RUBCN: variants seen among roughly 807,000 people sequenced by gnomAD.
RUBCN encodes the protein run domain Beclin-1-interacting and cysteine-rich domain-containing protein.
A neutral mutation model predicts 113.2 loss-of-function variants in RUBCN; 74 were observed. The ratio of observed to expected loss-of-function variants is 0.65; its 90% CI spans 0.54 to 0.79. RUBCN has a LOEUF of 0.79. Ranked by LOEUF, RUBCN falls within the 30% of genes least tolerant of loss-of-function variation. RUBCN has a pLI of 0.00. For synonymous variants in RUBCN, 480 were observed against 490.0 expected, an observed-to-expected ratio of 0.98 and a Z score of 0.27; for missense variants, 1,109 against 1,251.7, an observed-to-expected ratio of 0.89 and a Z score of 1.72.
chr3:197,677,181 G>T, intron 17 of RUBCN, 143 bp from the exon 18 acceptor site: 1 of 914,996 alleles, frequency 1.1e-6, no homozygotes, highest in Non-Finnish European at 1.7e-6. Flanking sequence ...CGCCGCAGCC[G>T]TTCCACGCTA....
In RUBCN at chr3:197,683,552, G is replaced by A. The variant is rs928043528; in HGVS notation, c.1848-113C>T. Reference sequence around the variant, plus strand: ...CAACTTCTGGGCTGGAAGAACACCCGCAGCACCCTGGCCTGCTCATCACCC... The same window carrying A: ...CAACTTCTGGGCTGGAAGAACACCCACAGCACCCTGGCCTGCTCATCACCC... On this transcript the variant is annotated intron_variant, in intron 12 of 19. Transcript: ENST00000296343. The surrounding 1 kb of genome is among the most constrained non-coding windows in gnomAD (Gnocchi z 4.6). 6.0e-6 allele frequency: 7 copies of A among 1,170,628 alleles called. No individual in the cohort carries two copies. The highest frequency in any genetic ancestry group is 2.7e-4 in the Middle Eastern group (1 of 3,666). 72.5% of individuals were successfully genotyped at this position (1,170,628 alleles called of 1,614,324 possible).
At chr3:197,731,113 C>T (rs369664349) in intron 1 of RUBCN, among the ~76,000 whole-genome samples, 13 of 151,710 alleles carry the variant, frequency 8.6e-5, no homozygotes, top group African/African-American at 2.9e-4. Flanking sequence ...ACAAAGGTCT[C>T]CGGTTTTCCT....
At chr3:197,709,470 T>C (rs1410436573) in intron 2 of RUBCN, among the ~76,000 whole-genome samples, 3 of 152,094 alleles carry the variant, frequency 2.0e-5, no homozygotes, top group Non-Finnish European at 4.4e-5. Flanking sequence ...AACCTCCACC[T>C]ACCAGATTCA....
intron 1 of RUBCN, among the ~76,000 whole-genome samples, chr3:197,722,199 C>T (rs1234850763): frequency 3.3e-5 from 5 of 151,456 alleles, no homozygotes; most frequent in African/African-American, 1.2e-4. Context: ...GATTGCACCA[C>T]TGCACTCCAG....
chr3:197,739,947 T>C (rs1580418769), upstream of RUBCN, among the ~76,000 whole-genome samples: 1 of 149,490 alleles, frequency 6.7e-6, no homozygotes, highest in Admixed American at 6.6e-5. Context: ...GGCTGAGGCA[T>C]GAGAATCGTT....
chr3:197,683,459 G>T lies in RUBCN; in HGVS notation c.1848-20C>A. 6.2e-7 allele frequency: 1 copy of T among 1,613,450 alleles called. No homozygotes were observed. On this transcript the variant is annotated intron_variant, in intron 12 of 19. Transcript: ENST00000296343. This position sits in a 1 kb window ranked among gnomAD's most constrained non-coding sequence, Gnocchi z 4.6. ...TGGGAGCTGGAAAGGGGAGAATCAA[G>T]GACGGCTGAACACAGGGAAAGGATG...
chr3:197,678,610 G>A (rs1316006032), intron 16 of RUBCN, among the ~76,000 whole-genome samples: 6 of 148,836 alleles, frequency 4.0e-5, no homozygotes, highest in African/African-American at 1.5e-4. Context: ...ACTGTCCTAC[G>A]CTCTGACAAC....
At chr3:197,725,790 C>A (rs996983111) in intron 1 of RUBCN, among the ~76,000 whole-genome samples, 1 of 152,114 alleles carries the variant, frequency 6.6e-6, no homozygotes, top group Non-Finnish European at 1.5e-5. Context: ...ATTTAACATA[C>A]GGATGAAAAA....
chr3:197,732,942 G>GT (rs1553904164), intron 1 of RUBCN, among the ~76,000 whole-genome samples: 1 of 152,166 alleles, frequency 6.6e-6, no homozygotes, highest in Non-Finnish European at 1.5e-5. Flanking sequence ...TACTTCCTAC[G>GT]TATCAGGCTC....
chr3:197,733,811 TA>T (rs1405804262), intron 1 of RUBCN, among the ~76,000 whole-genome samples: 1 of 152,150 alleles, frequency 6.6e-6, no homozygotes, highest in East Asian at 1.9e-4. Flanking sequence ...GAGGCAATCA[TA>T]AAAAGAATAA....
rs1290690160 is a variant in RUBCN at position 197,675,047 on chromosome 3, G to A, written c.2890C>T (p.Leu964=). Residue 964 remains leucine, a synonymous_variant, in exon 20 of 20, where the codon CTG becomes TTG. Transcript: ENST00000296343. This position sits in a 1 kb window ranked among gnomAD's most constrained non-coding sequence, Gnocchi z 4.4. Reference sequence around the variant, plus strand: ...GTGGCCTCCAGGACGGCGGCTTCCAGGGCCAGCGCTTCCGCGGGCTCCTCC... The same window carrying A: ...GTGGCCTCCAGGACGGCGGCTTCCAAGGCCAGCGCTTCCGCGGGCTCCTCC... The part of the protein sequence containing the change: ...YEEEPAEALA[L]EAAVLEAT 6.2e-7 allele frequency: 1 copy of A among 1,613,018 alleles called. No homozygotes were observed. Among genetic ancestry groups the A allele is most frequent in the East Asian group, 2.2e-5 (1 of 44,888 alleles).
At position 197,683,381 on chromosome 3, in the gene RUBCN, G is replaced by T. The variant is rs1721480540; in HGVS notation, c.1906C>A (p.Gln636Lys). ...AEAVAMGLLKQFEGMQLPAAS... is the reference protein window; with the variant it reads ...AEAVAMGLLKKFEGMQLPAAS... ...GCTGGAAGCTGCATCCCCTCAAACT[G>T]CTTCAGGAGCCCCATGGCCACCGCC... The change falls in exon 13 of 20, where the codon CAG becomes AAG. Residue 636 changes from glutamine to lysine, a missense_variant. Physicochemically the swap from Gln to Lys is moderately conservative, Grantham distance 53. This residue lies in a region of RUBCN where 67 missense variants were observed against 123.2 expected (regional missense o/e 0.54). Coordinates refer to ENST00000296343, the MANE Select transcript of RUBCN (RefSeq NM_014687.4). This position sits in a 1 kb window ranked among gnomAD's most constrained non-coding sequence, Gnocchi z 4.6. The T allele has an allele frequency of 1.2e-6, 2 of 1,614,066 alleles. No homozygotes were observed. The highest frequency in any genetic ancestry group is 1.7e-6 in the Non-Finnish European group (2 of 1,180,040).
At chr3:197,685,719 C>T (rs889197810) in intron 11 of RUBCN, among the ~76,000 whole-genome samples, 2 of 152,160 alleles carry the variant, frequency 1.3e-5, no homozygotes, top group African/African-American at 4.8e-5. Context: ...TATTTCACAA[C>T]AAAGATGTTC....
In RUBCN at chr3:197,669,389, A is replaced by C. The variant is rs1719588132; in HGVS notation, c.*5629T>G. On this transcript the variant is annotated 3_prime_UTR_variant, in exon 20 of 20. Coordinates refer to ENST00000296343, the MANE Select transcript of RUBCN (RefSeq NM_014687.4). ...CGGCATCTCTTTCCTTGTTTTCGAG[A>C]CCTTGGCAATTTTGAGTAGGGTCAA... is the stretch of plus-strand genomic sequence containing the variant. Among the ~76,000 whole-genome samples the C allele has an allele frequency of 6.6e-6, 1 of 152,110 alleles. No homozygotes were observed. Among genetic ancestry groups the C allele is most frequent in the Non-Finnish European group, 1.5e-5 (1 of 68,016 alleles).
chr3:197,698,700 A>G (rs921108684), intron 7 of RUBCN, among the ~76,000 whole-genome samples: 2 of 152,040 alleles, frequency 1.3e-5, no homozygotes, highest in Non-Finnish European at 2.9e-5. Flanking sequence ...TTCAGTTATA[A>G]GAAAAATTCT....
At chr3:197,735,649 T>C (rs1728038059) in intron 1 of RUBCN, among the ~76,000 whole-genome samples, 1 of 152,176 alleles carries the variant, frequency 6.6e-6, no homozygotes, top group Non-Finnish European at 1.5e-5. Context: ...TGGAGTGTAG[T>C]GGTGCGATCT....
intron 2 of RUBCN, among the ~76,000 whole-genome samples, chr3:197,707,200 T>C (rs987254850): frequency 1.1e-4 from 17 of 151,738 alleles, no homozygotes; most frequent in Admixed American, 5.9e-4. Flanking sequence ...GGCGTGGTGG[T>C]GGGCGCCTGT....
At chr3:197,705,605 A>T (rs1488542606) in intron 2 of RUBCN, among the ~76,000 whole-genome samples, 1 of 152,012 alleles carries the variant, frequency 6.6e-6, no homozygotes, top group African/African-American at 2.4e-5. Flanking sequence ...TAAAAAAAAA[A>T]AAGGAATACT....
At chr3:197,713,891 G>A (rs1324184345) in intron 2 of RUBCN, among the ~76,000 whole-genome samples, 4 of 151,880 alleles carry the variant, frequency 2.6e-5, no homozygotes, top group Non-Finnish European at 5.9e-5. Context: ...TGGCTAACAC[G>A]GTGAAACCCT....
Sources: allele counts gnomAD v4.1 joint callset (sites outside exome capture counted in the v4.1 genomes callset), GRCh38; gene constraint gnomAD v4.1.1; regional missense constraint gnomAD v4.1.1; non-coding constraint Gnocchi (gnomAD v3.1); transcripts MANE v1.5; gene names NCBI Gene and HGNC (gene_info 2026-07-23, HGNC 2026-07-21).